The following NRXN2 variants were observed in gnomAD, a reference collection of about 807,000 sequenced individuals.
NRXN2 encodes the protein neurexin-2-beta.
In NRXN2, 29 loss-of-function variants were observed where a neutral mutation model predicts 128.8. That is an observed-to-expected ratio of 0.23 (90% CI 0.17 to 0.31). The LOEUF (loss-of-function observed/expected upper bound fraction) is 0.31. Ranked by LOEUF, NRXN2 falls within the 10% of genes least tolerant of loss-of-function variation. The pLI is 1.00. For missense variants in NRXN2, 1,881 were observed against 2,452.6 expected, an observed-to-expected ratio of 0.77 and a Z score of 4.92; for synonymous variants, 1,098 against 1,075.2, an observed-to-expected ratio of 1.02 and a Z score of -0.41.
At chr11:64,649,922 G>A (rs1421389394) in intron 15 of NRXN2, among the ~76,000 whole-genome samples, 2 of 152,024 alleles carry the variant, frequency 1.3e-5, no homozygotes, top group African/African-American at 4.8e-5. Context: ...AATGACCACT[G>A]AAGAGGCCCT....
chr11:64,657,200 G>C (rs1041049791), intron 11 of NRXN2, among the ~76,000 whole-genome samples: 7 of 152,342 alleles, frequency 4.6e-5, no homozygotes, highest in African/African-American at 1.7e-4. Flanking sequence ...GTGAGGCCCT[G>C]CAAGTCCTGG....
At chr11:64,692,768 G>GGGGACAGGGAAA (rs2053993145) in intron 4 of NRXN2, 79 bp downstream of exon 4, 10 of 1,501,524 alleles carry the variant, frequency 6.7e-6, no homozygotes, top group Non-Finnish European at 9.3e-6. Flanking sequence ...GACAGGGGAA[G>GGGGACAGGGAAA]GACAGGGAGA....
chr11:64,696,145 C>T (rs992983981), intron 3 of NRXN2, among the ~76,000 whole-genome samples: 1 of 152,030 alleles, frequency 6.6e-6, no homozygotes, highest in African/African-American at 2.4e-5. Flanking sequence ...CTCCATCTCA[C>T]CCTTTGTTCC....
rs777184215 is a variant in NRXN2, at chr11:64,648,756, C to A, written c.3261G>T (p.Gly1087=). The A allele has an allele frequency of 1.2e-6, 2 of 1,614,036 alleles. No individual in the cohort carries two copies. Among genetic ancestry groups the A allele is most frequent in the Non-Finnish European group, 1.7e-6 (2 of 1,180,006 alleles). ...DLIADALHRI[G]QVERGCDGPS... is the part of the protein sequence containing the mutation. ...CACCATCACAGCCCCTCTCCACCTG[C>A]CCAATGCGGTGCAGGGCGTCGGCGA... The change falls in exon 16 of 23, where the codon GGG becomes GGT. Residue 1087 remains glycine, a synonymous_variant. Coordinates refer to ENST00000265459, the MANE Select transcript of NRXN2 (RefSeq NM_015080.4). The surrounding 1 kb of genome is among the most constrained non-coding windows in gnomAD (Gnocchi z 4.1).
At chr11:64,613,569 A>G (rs1235760809) in intron 22 of NRXN2, among the ~76,000 whole-genome samples, 1 of 152,168 alleles carries the variant, frequency 6.6e-6, no homozygotes, top group Non-Finnish European at 1.5e-5. Context: ...GTGACCTTGG[A>G]AACCACAAGT....
rs912730107 is a variant in NRXN2, at chr11:64,607,601, C to G, written c.4734G>C (p.Pro1578=). Residue 1578 remains proline, a synonymous_variant, in exon 23 of 23, where the codon CCG becomes CCC. Transcript: ENST00000265459. ...RDPLQPLLEN[P]PLGPGAPTSF... ...ACGTGGGGGCCCCGGGCCCCAAGGG[C>G]GGGTTCTCCAGCAAGGGCTGAAGCG... 1.3e-6 allele frequency: 2 copies of G among 1,533,914 alleles called. No homozygotes were observed. The highest frequency in any genetic ancestry group is 8.7e-7 in the Non-Finnish European group (1 of 1,143,266).
At chr11:64,701,176 A>G (rs1226763884) in intron 2 of NRXN2, among the ~76,000 whole-genome samples, 1 of 152,092 alleles carries the variant, frequency 6.6e-6, no homozygotes, top group African/African-American at 2.4e-5. Context: ...GCAGCACAAC[A>G]AAGTGGTCCA....
Position 64,660,906 on chromosome 11 carries a change from C to T in NRXN2, c.2032G>A (p.Gly678Arg). Residue 678 changes from glycine to arginine, a missense_variant, in exon 10 of 23, where the codon GGG becomes AGG. Coordinates refer to ENST00000265459, the MANE Select transcript of NRXN2 (RefSeq NM_015080.4). This position sits in a 1 kb window ranked among gnomAD's most constrained non-coding sequence, Gnocchi z 5.2. ...CAAAAGGGGGCAACGCCCACAGCCC[C>T]CTGAGCCTCAGCCAGGCCCCGGAGG... ...RDLRGLAEAQ[G>R]AVGVAPFCSR... 2 of 1,613,676 alleles carry T rather than the reference C, an allele frequency of 1.2e-6. No individual in the cohort carries two copies. The highest frequency in any genetic ancestry group is 1.7e-6 in the Non-Finnish European group (2 of 1,179,758).
In NRXN2 at chr11:64,635,593, C is replaced by A; in HGVS notation, c.3404-141G>T. The A allele has an allele frequency of 2.1e-6, 2 of 939,480 alleles. No individual in the cohort carries two copies. The highest frequency in any genetic ancestry group is 1.7e-6 in the Non-Finnish European group (1 of 605,198). The allele number at this position is 939,480 out of a possible 1,614,324, so 58.2% of individuals were successfully genotyped here. ...CTGTGATACCCACAGCAGCCACCAG[C>A]CCTGCCACCCCAGGGAGAAGTTGGC... On this transcript the variant is annotated intron_variant, in intron 17 of 22. Coordinates refer to ENST00000265459, the MANE Select transcript of NRXN2 (RefSeq NM_015080.4). The surrounding 1 kb of genome is among the most constrained non-coding windows in gnomAD (Gnocchi z 4.8).
Position 64,623,379 on chromosome 11 carries a change from C to T in NRXN2, c.3848-301G>A, listed in dbSNP as rs1420114295. ...CACCATGTGCAAGCCTTCCCACCTT[C>T]CCCATTCCCTCTCCTCTCCAGCTCC... is the stretch of plus-strand genomic sequence containing the variant. On this transcript the variant is annotated intron_variant, in intron 20 of 22. Transcript: ENST00000265459. The surrounding 1 kb of genome is among the most constrained non-coding windows in gnomAD (Gnocchi z 4.9). 4.1e-6 allele frequency: 2 copies of T among 486,832 alleles called. No homozygotes were observed. Among genetic ancestry groups the T allele is most frequent in the Non-Finnish European group, 3.7e-6 (1 of 268,234 alleles). The allele number at this position is 486,832 out of a possible 1,614,324, so 30.2% of individuals were successfully genotyped here.
At chr11:64,673,829 A>G (rs1311140496) in intron 7 of NRXN2, among the ~76,000 whole-genome samples, 2 of 152,100 alleles carry the variant, frequency 1.3e-5, no homozygotes, top group Non-Finnish European at 2.9e-5. Context: ...GCCTGAGCTC[A>G]GCAGTTCGAG....
chr11:64,716,206 C>T (rs1233063623), intron 1 of NRXN2, among the ~76,000 whole-genome samples: 3 of 152,138 alleles, frequency 2.0e-5, no homozygotes, highest in South Asian at 2.1e-4. Flanking sequence ...AATTAGCTAT[C>T]GATTTCCGCT....
chr11:64,620,234 C>A, intron 22 of NRXN2, 60 bp downstream of exon 22: 1 of 1,378,440 alleles, frequency 7.3e-7, no homozygotes, highest in Admixed American at 2.0e-5. Context: ...GGGACAGTCG[C>A]CCCCCTCCCA....
At chr11:64,688,475 T>G in intron 5 of NRXN2, 39 of 985,258 alleles carry the variant, frequency 4.0e-5, no homozygotes, top group Non-Finnish European at 4.6e-5. Context: ...TTCAAGGGAC[T>G]GGTGGAGGGA....
chr11:64,622,609 G>T lies in NRXN2; in HGVS notation c.4173+144C>A, dbSNP rs1335467345. On this transcript the variant is annotated intron_variant, in intron 21 of 22. Transcript: ENST00000265459. The surrounding 1 kb of genome is among the most constrained non-coding windows in gnomAD (Gnocchi z 4.3). Reference sequence around the variant, plus strand: ...AAAGGTGACCTTGCCCATCGCCATGGCAACAAAGTCAGCGACAGCAGCCTT... The same window carrying T: ...AAAGGTGACCTTGCCCATCGCCATGTCAACAAAGTCAGCGACAGCAGCCTT... 1.6e-6 allele frequency: 2 copies of T among 1,227,470 alleles called. No individual in the cohort carries two copies. The highest frequency in any genetic ancestry group is 1.5e-5 in the African/African-American group (1 of 66,634). 76.0% of individuals were successfully genotyped at this position (1,227,470 alleles called of 1,614,324 possible).
chr11:64,615,698 G>A (rs2041360891), intron 22 of NRXN2, among the ~76,000 whole-genome samples: 1 of 152,328 alleles, frequency 6.6e-6, no homozygotes, highest in East Asian at 1.9e-4. Context: ...GGCATGCCTT[G>A]TACTGTGTCT....
intron 5 of NRXN2, 107 bp from the exon 6 acceptor site, chr11:64,686,054 G>C: frequency 8.1e-7 from 1 of 1,241,274 alleles, no homozygotes; most frequent in Non-Finnish European, 1.2e-6. Context: ...GGCACCAGGA[G>C]CCCAGAGGTC....
At chr11:64,710,210 C>T (rs1473413654) in intron 2 of NRXN2, among the ~76,000 whole-genome samples, 2 of 151,962 alleles carry the variant, frequency 1.3e-5, no homozygotes, top group African/African-American at 2.4e-5. Context: ...ACCTGGCTCA[C>T]GTTTCTTTTT....
intron 4 of NRXN2, 120 bp downstream of exon 4, chr11:64,692,727 A>T (rs780033935): frequency 2.0e-6 from 2 of 997,152 alleles, no homozygotes; most frequent in Non-Finnish European, 3.2e-6. Context: ...AAAGGAAGGA[A>T]GGTGTCAGGA....
Sources: allele counts gnomAD v4.1 joint callset (sites outside exome capture counted in the v4.1 genomes callset), GRCh38; gene constraint gnomAD v4.1.1; non-coding constraint Gnocchi (gnomAD v3.1); transcripts MANE v1.5; gene names NCBI Gene and HGNC (gene_info 2026-07-23, HGNC 2026-07-21).